Variants in ARMC7 observed in about 807,000 individuals in gnomAD.
ARMC7 encodes armadillo repeat-containing protein 7.
In ARMC7, 9 loss-of-function variants were observed where a neutral mutation model predicts 14.8. That is an observed-to-expected ratio of 0.61 (90% CI 0.37 to 1.06). The LOEUF (loss-of-function observed/expected upper bound fraction) is 1.06, where lower values mean the gene tolerates loss of function less well. Among genes scored for constraint, ARMC7 ranks in the 50% least tolerant of loss-of-function variants. The pLI is 0.01. For synonymous variants in ARMC7, 125 were observed against 123.4 expected (o/e 1.01, Z -0.09); for missense variants, 262 against 267.1 (o/e 0.98, Z 0.13).
chr17:75,114,738 C>G, intron 2 of ARMC7: 1 of 398,508 alleles, frequency 2.5e-6, no homozygotes, highest in Non-Finnish European at 4.4e-6. Context: ...GCAAGACCCC[C>G]CCGCCCCAAG....
intron 2 of ARMC7, among the ~76,000 whole-genome samples, chr17:75,126,846 A>C (rs906005605): frequency 6.6e-6 from 1 of 152,106 alleles, no homozygotes; most frequent in African/African-American, 2.4e-5. Flanking sequence ...GGAACACCTG[A>C]GGTCAGGAGT....
chr17:75,119,213 T>TCC (rs923930072), intron 2 of ARMC7, among the ~76,000 whole-genome samples: 29 of 152,224 alleles, frequency 1.9e-4, no homozygotes, highest in Non-Finnish European at 4.3e-4. Flanking sequence ...TCTTGGGTTT[T>TCC]CCTTCAGTGT....
In ARMC7 at chr17:75,130,187, GC is replaced by G. The variant is rs779826129; in HGVS notation, c.*1151del. The G allele has an allele frequency of 6.6e-4, 230 of 348,502 alleles. No homozygotes were observed. Among genetic ancestry groups the G allele is most frequent in the Non-Finnish European group, 1.0e-3 (186 of 186,876 alleles). 21.6% of individuals were successfully genotyped at this position (348,502 alleles called of 1,614,324 possible). A position where few individuals can be genotyped will look rare whatever the true frequency, so the allele number is the denominator to read the frequency against. On this transcript the variant is annotated 3_prime_UTR_variant, in exon 3 of 3. Transcript: ENST00000245543. ...GGGCTCATCAGCACCCGCTCAGGGA[GC>G]CTGTCCCTTTATGTTCCCAAATAAA... is the stretch of plus-strand genomic sequence containing the variant.
chr17:75,122,992 A>C (rs1474480596), intron 2 of ARMC7, among the ~76,000 whole-genome samples: 1 of 150,244 alleles, frequency 6.7e-6, no homozygotes, highest in Non-Finnish European at 1.5e-5. Flanking sequence ...CCTTCATCTT[A>C]AATTACAGGC....
intron 2 of ARMC7, among the ~76,000 whole-genome samples, chr17:75,120,481 G>A (rs767401043): frequency 1.3e-5 from 2 of 152,054 alleles, no homozygotes; most frequent in Admixed American, 6.6e-5. Flanking sequence ...TCAGGAAGTC[G>A]GAACTTGTTC....
rs1308576723 is a variant in ARMC7 at position 75,110,007 on chromosome 17, C to T, written c.-282C>T. On this transcript the variant is annotated 5_prime_UTR_variant, in exon 1 of 3. Coordinates refer to ENST00000245543, the MANE Select transcript of ARMC7 (RefSeq NM_024585.4). Reference sequence around the variant, plus strand: ...GGAGCCGGGGACGGTGCGCCAGTGCCCCCTCCGCGAGCCCCAACCAGTAGA... The same window carrying T: ...GGAGCCGGGGACGGTGCGCCAGTGCTCCCTCCGCGAGCCCCAACCAGTAGA... The T allele has an allele frequency of 1.3e-5, 5 of 377,204 alleles. No homozygotes were observed. The highest frequency in any genetic ancestry group is 1.9e-5 in the Non-Finnish European group (4 of 206,926). The allele number at this position is 377,204 out of a possible 1,614,324, so 23.4% of individuals were successfully genotyped here. A position where few individuals can be genotyped will look rare whatever the true frequency, so the allele number is the denominator to read the frequency against.
chr17:75,110,637 A>G (rs2073910950), intron 2 of ARMC7, 31 bp downstream of exon 2: 1 of 1,613,090 alleles, frequency 6.2e-7, no homozygotes, highest in Non-Finnish European at 8.5e-7. Flanking sequence ...CTAGATGCCT[A>G]AATGGGCCAG....
Position 75,130,139 on chromosome 17 carries a change from C to T in ARMC7, c.*1101C>T. 1 of 236,918 alleles carries T rather than the reference C, an allele frequency of 4.2e-6. No homozygotes were observed. Among genetic ancestry groups the T allele is most frequent in the South Asian group, 6.5e-5 (1 of 15,372 alleles). The allele number at this position is 236,918 out of a possible 1,614,324, so 14.7% of individuals were successfully genotyped here. On this transcript the variant is annotated 3_prime_UTR_variant, in exon 3 of 3. Transcript: ENST00000245543. ...ATGGAAATGGGGCAGATTAGGGGAC[C>T]ACTGGACTCAGAGGGGAGGGAAGGG...
At chr17:75,124,381 C>T (rs2074035927) in intron 2 of ARMC7, among the ~76,000 whole-genome samples, 2 of 152,146 alleles carry the variant, frequency 1.3e-5, no homozygotes, top group African/African-American at 4.8e-5. Context: ...CTCCTCCTGC[C>T]CCCACCCTCT....
At chr17:75,122,665 G>C (rs2074021762) in intron 2 of ARMC7, among the ~76,000 whole-genome samples, 1 of 151,998 alleles carries the variant, frequency 6.6e-6, no homozygotes. Context: ...CCTGGCCCTG[G>C]CTTTTTTAAT....
rs777796675 is a variant in ARMC7 at position 75,129,053 on chromosome 17, G to T, written c.*15G>T. 6.3e-7 allele frequency: 1 copy of T among 1,581,466 alleles called. No individual in the cohort carries two copies. Among genetic ancestry groups the T allele is most frequent in the African/African-American group, 1.3e-5 (1 of 74,680 alleles). On this transcript the variant is annotated 3_prime_UTR_variant, in exon 3 of 3. Transcript: ENST00000245543. Reference sequence around the variant, plus strand: ...GGCAGCGCTGATCCATGGAGACTGCGAGACCGTGGCACCCCTACTGCTGGA... The same window carrying T: ...GGCAGCGCTGATCCATGGAGACTGCTAGACCGTGGCACCCCTACTGCTGGA...
At chr17:75,127,059 CAAA>C (rs561709280) in intron 2 of ARMC7, among the ~76,000 whole-genome samples, 25 of 102,500 alleles carry the variant, frequency 2.4e-4, no homozygotes, top group Non-Finnish European at 2.8e-4. Flanking sequence ...AAAACTGTCT[CAAA>C]AAAAAAAAAA....
At position 75,128,906 on chromosome 17, in the gene ARMC7, G is replaced by A; in HGVS notation, c.465G>A (p.Arg155=). The A allele has an allele frequency of 6.2e-7, 1 of 1,610,144 alleles. No individual in the cohort carries two copies. Among genetic ancestry groups the A allele is most frequent in the South Asian group, 1.1e-5 (1 of 91,024 alleles). Residue 155 remains arginine, a synonymous_variant, in exon 3 of 3, where the codon AGG becomes AGA. Transcript: ENST00000245543. ...GCTTCTCCCTCTCGGCCAGCGCCAG[G>A]CTCCGGAACCTGGCACAGATCTTCC... ...MLRFSLSASA[R]LRNLAQIFLE...
chr17:75,110,005 G>T lies in ARMC7; in HGVS notation c.-284G>T, dbSNP rs1402216303. 2.7e-5 allele frequency: 10 copies of T among 372,100 alleles called. No homozygotes were observed. Among genetic ancestry groups the T allele is most frequent in the East Asian group, 1.0e-4 (2 of 19,558 alleles). 23.0% of individuals were successfully genotyped at this position (372,100 alleles called of 1,614,324 possible). On this transcript the variant is annotated 5_prime_UTR_variant, in exon 1 of 3. Coordinates refer to ENST00000245543, the MANE Select transcript of ARMC7 (RefSeq NM_024585.4). Reference sequence around the variant, plus strand: ...CAGGAGCCGGGGACGGTGCGCCAGTGCCCCCTCCGCGAGCCCCAACCAGTA... The same window carrying T: ...CAGGAGCCGGGGACGGTGCGCCAGTTCCCCCTCCGCGAGCCCCAACCAGTA...
At chr17:75,127,239 G>A (rs1029534146) in intron 2 of ARMC7, among the ~76,000 whole-genome samples, 39 of 152,108 alleles carry the variant, frequency 2.6e-4, no homozygotes, top group Non-Finnish European at 5.3e-4. Flanking sequence ...AGCAAGCAGA[G>A]TATCCCATTT....
chr17:75,125,709 G>A (rs2074046822), intron 2 of ARMC7, among the ~76,000 whole-genome samples: 1 of 152,150 alleles, frequency 6.6e-6, no homozygotes, highest in African/African-American at 2.4e-5. Context: ...CAGGTGTGGT[G>A]GCATGTACCT....
chr17:75,117,134 T>G (rs921143960), intron 2 of ARMC7, among the ~76,000 whole-genome samples: 1 of 152,228 alleles, frequency 6.6e-6, no homozygotes, highest in African/African-American at 2.4e-5. Flanking sequence ...TGGAGTGCAA[T>G]GGTGCAATCT....
At position 75,110,147 on chromosome 17, in the gene ARMC7, T is replaced by A. The variant is rs2073897272; in HGVS notation, c.-142T>A. 5.4e-6 allele frequency: 4 copies of A among 740,066 alleles called. No homozygotes were observed. In the East Asian group the frequency reaches 1.1e-4, roughly 20 times the overall value. The allele number at this position is 740,066 out of a possible 1,614,324, so 45.8% of individuals were successfully genotyped here. ...TCCAGCTGCAAATTACTGCAGAATC[T>A]GAACCCAGGAAAGAAACCCATTTGC... On this transcript the variant is annotated 5_prime_UTR_variant, in exon 1 of 3. Transcript: ENST00000245543.
chr17:75,122,892 C>T (rs1856095492), intron 2 of ARMC7, among the ~76,000 whole-genome samples: 2 of 151,104 alleles, frequency 1.3e-5, no homozygotes, highest in Admixed American at 1.3e-4. Flanking sequence ...GGTGGGGGGG[C>T]AGGTTAGGTG....
Sources: allele counts gnomAD v4.1 joint callset (sites outside exome capture counted in the v4.1 genomes callset), GRCh38; gene constraint gnomAD v4.1.1; transcripts MANE v1.5; gene names NCBI Gene and HGNC (gene_info 2026-07-23, HGNC 2026-07-21).